ASTN2: variants seen among roughly 807,000 people sequenced by gnomAD.
The protein encoded by ASTN2 is astrotactin-2.
Under a neutral mutation model 139.8 loss-of-function variants are expected in ASTN2, and 54 were observed. The observed-to-expected ratio is 0.39, with a 90% confidence interval of 0.31 to 0.48. ASTN2 has a LOEUF of 0.48. Among genes scored for constraint, ASTN2 ranks in the 20% least tolerant of loss-of-function variants. ASTN2 has a pLI of 0.95. For missense variants in ASTN2, 1,565 were observed against 1,725.1 expected, an observed-to-expected ratio of 0.91 and a Z score of 1.64; for synonymous variants, 756 against 719.5, an observed-to-expected ratio of 1.05 and a Z score of -0.81.
At chr9:116,973,070 A>G (rs899026242) in intron 10 of ASTN2, among the ~76,000 whole-genome samples, 2 of 152,180 alleles carry the variant, frequency 1.3e-5, no homozygotes, top group Non-Finnish European at 2.9e-5. Flanking sequence ...AACTCAATCT[A>G]CATAGTGCAG....
chr9:116,482,837 A>G (rs1408701058), intron 20 of ASTN2, among the ~76,000 whole-genome samples: 9 of 152,192 alleles, frequency 5.9e-5, no homozygotes, highest in Non-Finnish European at 1.3e-4. Context: ...ATAGAGCTGA[A>G]GCCAGGGAGG....
At chr9:116,791,044 A>AAAGAAAGG in intron 13 of ASTN2, among the ~76,000 whole-genome samples, 1 of 148,404 alleles carries the variant, frequency 6.7e-6, no homozygotes, top group Non-Finnish European at 1.5e-5. Flanking sequence ...AGAAAGAAAG[A>AAAGAAAGG]AAAGAAAAGA....
chr9:117,354,338 C>A (rs750996885), intron 1 of ASTN2, among the ~76,000 whole-genome samples: 3 of 152,000 alleles, frequency 2.0e-5, no homozygotes, highest in Non-Finnish European at 4.4e-5. Flanking sequence ...GCCCCCTCTC[C>A]CTGTGCATGC....
chr9:117,176,876 A>G (rs1049746293), intron 3 of ASTN2, among the ~76,000 whole-genome samples: 1 of 152,156 alleles, frequency 6.6e-6, no homozygotes, highest in African/African-American at 2.4e-5. Flanking sequence ...GTGAGCTATG[A>G]TCACACCACT....
At chr9:116,614,759 C>T (rs1855750752) in intron 19 of ASTN2, among the ~76,000 whole-genome samples, 1 of 152,124 alleles carries the variant, frequency 6.6e-6, no homozygotes, top group East Asian at 1.9e-4. Flanking sequence ...AGACCTAAAA[C>T]CATAAAAACC....
At position 117,003,421 on chromosome 9, in the gene ASTN2, G is replaced by C. The variant is rs114506021; in HGVS notation, c.1591+4671C>G. Among the ~76,000 whole-genome samples, 577 of 152,204 alleles carry C rather than the reference G, an allele frequency of 3.8e-3. 3 individuals are homozygous for C. Among genetic ancestry groups the C allele is most frequent in the African/African-American group, 0.013 (542 of 41,540 alleles). On this transcript the variant is annotated intron_variant, in intron 7 of 22. Coordinates refer to ENST00000313400, the MANE Select transcript of ASTN2 (RefSeq NM_001365068.1). ...ATCCTGGCTTTGCAGTTTGCCAGCT[G>C]TGTGATCTTCGTCCTGTCCCCTGTC...
chr9:116,900,114 T>G (rs1009504383), intron 10 of ASTN2, among the ~76,000 whole-genome samples: 2 of 152,228 alleles, frequency 1.3e-5, no homozygotes, highest in Non-Finnish European at 2.9e-5. Context: ...CTCCTATCAC[T>G]TAACTGAATC....
intron 11 of ASTN2, among the ~76,000 whole-genome samples, chr9:116,836,061 G>A (rs1362746038): frequency 6.6e-6 from 1 of 152,072 alleles, no homozygotes. Flanking sequence ...TTCCCCATGT[G>A]GCCTTCTCTG....
At chr9:116,520,555 GA>G (rs1850825660) in intron 19 of ASTN2, among the ~76,000 whole-genome samples, 1 of 152,106 alleles carries the variant, frequency 6.6e-6, no homozygotes, top group South Asian at 2.1e-4. Flanking sequence ...TACTGAATGG[GA>G]AAAAAGTTGA....
intron 19 of ASTN2, among the ~76,000 whole-genome samples, chr9:116,527,730 G>A (rs1453656516): frequency 1.3e-5 from 2 of 152,094 alleles, no homozygotes; most frequent in Non-Finnish European, 2.9e-5. Context: ...GGGGTTTGAT[G>A]GGAGGTGATT....
intron 1 of ASTN2, among the ~76,000 whole-genome samples, chr9:117,299,525 G>A (rs1322318570): frequency 6.6e-6 from 1 of 152,192 alleles, no homozygotes; most frequent in Admixed American, 6.5e-5. Context: ...ACTTCAGATG[G>A]AGAATTGGCA....
At chr9:116,566,993 T>G (rs1290231084) in intron 19 of ASTN2, among the ~76,000 whole-genome samples, 1 of 152,196 alleles carries the variant, frequency 6.6e-6, no homozygotes, top group African/African-American at 2.4e-5. Context: ...TTATCCCATC[T>G]CAGCATCTGC....
chr9:117,051,777 G>C (rs929813004), intron 5 of ASTN2, among the ~76,000 whole-genome samples: 2 of 152,166 alleles, frequency 1.3e-5, no homozygotes, highest in Non-Finnish European at 2.9e-5. Flanking sequence ...GTTAGGAAGA[G>C]GGCAGGAGGA....
chr9:117,028,526 G>A (rs1838159497), intron 6 of ASTN2, among the ~76,000 whole-genome samples: 1 of 152,118 alleles, frequency 6.6e-6, no homozygotes, highest in Non-Finnish European at 1.5e-5. Flanking sequence ...CATCAGAGAT[G>A]CTCAAGGTCC....
At chr9:116,704,887 A>G (rs553511770) in intron 16 of ASTN2, among the ~76,000 whole-genome samples, 6 of 152,222 alleles carry the variant, frequency 3.9e-5, no homozygotes, top group South Asian at 4.1e-4. Context: ...TTTTATATAT[A>G]TATGCACTAA....
chr9:117,313,041 C>A (rs997475928), intron 1 of ASTN2, among the ~76,000 whole-genome samples: 6 of 152,152 alleles, frequency 3.9e-5, no homozygotes, highest in African/African-American at 1.4e-4. Flanking sequence ...CTTCTTTCTG[C>A]CTAATGCTTG....
chr9:117,332,903 A>C (rs920797638), intron 1 of ASTN2, among the ~76,000 whole-genome samples: 14 of 152,218 alleles, frequency 9.2e-5, no homozygotes, highest in African/African-American at 3.4e-4. Flanking sequence ...CCAGTCACAA[A>C]ATACTCTGTA....
At chr9:117,353,577 G>T (rs1188090291) in intron 1 of ASTN2, among the ~76,000 whole-genome samples, 2 of 152,170 alleles carry the variant, frequency 1.3e-5, no homozygotes, top group Non-Finnish European at 2.9e-5. Flanking sequence ...GTGCTAAAAA[G>T]ATCAGTCTTT....
chr9:116,933,652 G>GT (rs1186749906), intron 10 of ASTN2, among the ~76,000 whole-genome samples: 16 of 138,746 alleles, frequency 1.2e-4, no homozygotes, highest in East Asian at 9.9e-4. Flanking sequence ...ATTTTATTAA[G>GT]GAAAAAAAAA....
Sources: allele counts gnomAD v4.1 joint callset (sites outside exome capture counted in the v4.1 genomes callset), GRCh38; gene constraint gnomAD v4.1.1; transcripts MANE v1.5; gene names NCBI Gene and HGNC (gene_info 2026-07-23, HGNC 2026-07-21).